TMEM117: variants seen among roughly 807,000 people sequenced by gnomAD.
TMEM117 encodes the protein transmembrane protein 117.
Under a neutral mutation model 52.4 loss-of-function variants are expected in TMEM117, and 27 were observed. The ratio of observed to expected loss-of-function variants is 0.51; its 90% confidence interval spans 0.38 to 0.71. TMEM117 has a LOEUF of 0.71. Ranked by LOEUF, TMEM117 falls within the 30% of genes least tolerant of loss-of-function variation. TMEM117 has a pLI of 0.00. For synonymous variants in TMEM117, 215 were observed against 206.3 expected, an observed-to-expected ratio of 1.04 and a Z score of -0.36; for missense variants, 556 against 630.5, an observed-to-expected ratio of 0.88 and a Z score of 1.26.
At chr12:44,047,448 T>A (rs1169780027) in intron 3 of TMEM117, among the ~76,000 whole-genome samples, 1 of 152,168 alleles carries the variant, frequency 6.6e-6, no homozygotes, top group Non-Finnish European at 1.5e-5. Context: ...TTGGCTTGGA[T>A]TTTTTTGACC....
chr12:44,274,052 AT>A (rs1257674079), intron 5 of TMEM117, among the ~76,000 whole-genome samples: 1 of 152,144 alleles, frequency 6.6e-6, no homozygotes, highest in Non-Finnish European at 1.5e-5. Flanking sequence ...ATTATCTTAT[AT>A]TTTGAAAAAC....
At chr12:44,286,930 G>A (rs1798027) in intron 5 of TMEM117, among the ~76,000 whole-genome samples, 31,764 of 152,052 alleles carry the variant, frequency 0.21, 5,829 homozygotes, top group African/African-American at 0.5. Flanking sequence ...GTCAATAGAT[G>A]TAAATTCTCA....
chr12:43,961,898 T>G (rs1945409701), intron 3 of TMEM117, among the ~76,000 whole-genome samples: 2 of 152,216 alleles, frequency 1.3e-5, no homozygotes. Flanking sequence ...CCAAAAGTTA[T>G]ATAGTCTGAT....
At chr12:43,992,036 G>A (rs146348227) in intron 3 of TMEM117, among the ~76,000 whole-genome samples, 23 of 152,056 alleles carry the variant, frequency 1.5e-4, no homozygotes, top group African/African-American at 5.3e-4. Flanking sequence ...GGTGGCACAT[G>A]CCTGTAGTCC....
chr12:44,317,063 C>A (rs1951064944), intron 6 of TMEM117, among the ~76,000 whole-genome samples: 1 of 137,342 alleles, frequency 7.3e-6, no homozygotes, highest in Non-Finnish European at 1.5e-5. Context: ...TCCTTGCAAT[C>A]CAAGCTTTGC....
intron 5 of TMEM117, among the ~76,000 whole-genome samples, chr12:44,297,644 T>C (rs1950785100): frequency 6.6e-6 from 1 of 152,204 alleles, no homozygotes; most frequent in Non-Finnish European, 1.5e-5. Context: ...GAAAATACCC[T>C]TACTACCAAA....
intron 4 of TMEM117, among the ~76,000 whole-genome samples, chr12:44,150,458 A>G (rs896697030): frequency 6.6e-6 from 1 of 152,192 alleles, no homozygotes; most frequent in Non-Finnish European, 1.5e-5. Flanking sequence ...GGACACCAAC[A>G]TGGACCATCG....
rs73288026 is a variant in TMEM117, at chr12:44,101,750, C to T, written c.411-41775C>T. Reference sequence around the variant, plus strand: ...TGTCTTATGTCCTTCCACTCTCCTCCGTACACCAGCTGGAATGGCTGCCTC... The same window carrying T: ...TGTCTTATGTCCTTCCACTCTCCTCTGTACACCAGCTGGAATGGCTGCCTC... On this transcript the variant is annotated intron_variant, in intron 3 of 7. Transcript: ENST00000266534. Among the ~76,000 whole-genome samples, 1,042 of 152,150 alleles carry T rather than the reference C, an allele frequency of 6.8e-3. 14 individuals are homozygous for T. The highest frequency in any genetic ancestry group is 0.024 in the African/African-American group (994 of 41,530).
At chr12:44,194,135 T>C (rs979594456) in intron 4 of TMEM117, among the ~76,000 whole-genome samples, 1 of 152,178 alleles carries the variant, frequency 6.6e-6, no homozygotes, top group African/African-American at 2.4e-5. Context: ...AATACAAATT[T>C]TAAATGATTG....
At chr12:44,096,923 A>G (rs1947774771) in intron 3 of TMEM117, among the ~76,000 whole-genome samples, 1 of 151,814 alleles carries the variant, frequency 6.6e-6, no homozygotes, top group Non-Finnish European at 1.5e-5. Context: ...CAGAGTGAAC[A>G]GGCAACCTAC....
chr12:43,972,566 G>A (rs1220145325), intron 3 of TMEM117, among the ~76,000 whole-genome samples: 2 of 152,120 alleles, frequency 1.3e-5, no homozygotes, highest in Admixed American at 1.3e-4. Flanking sequence ...TGATTGGTCT[G>A]TTTTACAGAG....
At chr12:43,898,457 A>G (rs1944250133) in intron 2 of TMEM117, among the ~76,000 whole-genome samples, 1 of 151,662 alleles carries the variant, frequency 6.6e-6, no homozygotes, top group African/African-American at 2.4e-5. Context: ...GACCCTTTCT[A>G]TTAAGAATAG....
At position 44,388,741 on chromosome 12, in the gene TMEM117, C is replaced by G; in HGVS notation, c.*69C>G. The G allele has an allele frequency of 6.5e-7, 1 of 1,534,644 alleles. No homozygotes were observed. The highest frequency in any genetic ancestry group is 8.8e-7 in the Non-Finnish European group (1 of 1,134,094). The stretch of plus-strand genomic sequence containing the variant: ...TGTAACTTTAAAAATTTAGTCTTTC[C>G]TTTTGTATATGTAAGGTTTACGTAG... On this transcript the variant is annotated 3_prime_UTR_variant, in exon 8 of 8. Coordinates refer to ENST00000266534, the MANE Select transcript of TMEM117 (RefSeq NM_032256.3).
chr12:43,844,960 A>G (rs778476203), intron 2 of TMEM117, 32 bp downstream of exon 2: 5 of 1,570,242 alleles, frequency 3.2e-6, no homozygotes, highest in Non-Finnish European at 3.4e-6. Flanking sequence ...ATGTAATATC[A>G]CTAATTATTT....
At chr12:44,226,075 G>A (rs752747179) in intron 5 of TMEM117, among the ~76,000 whole-genome samples, 5 of 152,256 alleles carry the variant, frequency 3.3e-5, no homozygotes, top group Middle Eastern at 3.4e-3. Context: ...TTTACATGGC[G>A]CTCTAACTGT....
intron 3 of TMEM117, among the ~76,000 whole-genome samples, chr12:43,969,024 G>A (rs1032437530): frequency 6.6e-6 from 1 of 151,934 alleles, no homozygotes; most frequent in African/African-American, 2.4e-5. Flanking sequence ...AATATAAAAA[G>A]ATATAATAAA....
At chr12:44,225,011 T>C (rs1457337932) in intron 5 of TMEM117, among the ~76,000 whole-genome samples, 1 of 152,164 alleles carries the variant, frequency 6.6e-6, no homozygotes, top group African/African-American at 2.4e-5. Flanking sequence ...GCTCAGTGCC[T>C]GTAGATATGC....
intron 4 of TMEM117, among the ~76,000 whole-genome samples, chr12:44,159,243 A>G (rs973003241): frequency 2.0e-5 from 3 of 152,108 alleles, no homozygotes; most frequent in African/African-American, 7.2e-5. Context: ...CTTCAGATGG[A>G]ATGTCTGTTA....
chr12:43,922,558 C>G (rs1008321982), intron 2 of TMEM117, among the ~76,000 whole-genome samples: 2 of 152,098 alleles, frequency 1.3e-5, no homozygotes, highest in African/African-American at 4.8e-5. Flanking sequence ...TTAGGGCGTT[C>G]CGTTTGGCTT....
Sources: allele counts gnomAD v4.1 joint callset (sites outside exome capture counted in the v4.1 genomes callset), GRCh38; gene constraint gnomAD v4.1.1; transcripts MANE v1.5; gene names NCBI Gene and HGNC (gene_info 2026-07-23, HGNC 2026-07-21).